RNLS: variants seen among roughly 807,000 people sequenced by gnomAD.
The protein encoded by RNLS is renalase.
A neutral mutation model predicts 39.8 loss-of-function variants in RNLS; 39 were observed. The observed-to-expected ratio is 0.98, with a 90% CI of 0.76 to 1.28. RNLS has a LOEUF of 1.28. RNLS is among the 50% of genes most tolerant of loss of function. The probability of loss-of-function intolerance (pLI) is 0.00; values close to 1 mark genes in which losing one functional copy is unlikely to be tolerated. For missense variants in RNLS, 410 were observed against 413.3 expected, an observed-to-expected ratio of 0.99 and a Z score of 0.07; for synonymous variants, 147 against 150.7, an observed-to-expected ratio of 0.98 and a Z score of 0.18.
chr10:88,412,575 G>GA (rs938296507), intron 4 of RNLS, among the ~76,000 whole-genome samples: 9 of 150,512 alleles, frequency 6.0e-5, no homozygotes, highest in South Asian at 2.1e-4. Flanking sequence ...AACAAAAGTT[G>GA]AAAAAAAAAT....
chr10:88,471,429 T>C (rs1478152425), intron 4 of RNLS, among the ~76,000 whole-genome samples: 2 of 152,120 alleles, frequency 1.3e-5, no homozygotes, highest in African/African-American at 4.8e-5. Context: ...CCTTTTCCAG[T>C]GGGCACTCTC....
At chr10:88,221,103 T>C in the RNLS span, among the ~76,000 whole-genome samples, 2 of 152,208 alleles carry the variant, frequency 1.3e-5, no homozygotes, top group African/African-American at 2.4e-5. Context: ...ATCCCCCTAC[T>C]TGGCATGCCC....
rs548250335 is a variant in RNLS at position 88,478,962 on chromosome 10, T to C, written c.526+93941A>G. 3.9e-5 allele frequency among the ~76,000 whole-genome samples: 6 copies of C among 152,084 alleles called. No individual in the cohort carries two copies. In the East Asian group the frequency reaches 1.2e-3, roughly 29 times the overall value. On this transcript the variant is annotated intron_variant, in intron 4 of 6. Transcript: ENST00000331772. ...AGCCATGCTGAGGAGCCCAAGTACCTGGGTTTGAATCCTAGTTCTGTCATT... is the reference window on the plus strand; with the variant it reads ...AGCCATGCTGAGGAGCCCAAGTACCCGGGTTTGAATCCTAGTTCTGTCATT...
At chr10:88,548,676 A>C (rs974708519) in intron 4 of RNLS, among the ~76,000 whole-genome samples, 15 of 147,840 alleles carry the variant, frequency 1.0e-4, no homozygotes, top group African/African-American at 3.2e-4. Context: ...TTTAATACAT[A>C]TATACATTTA....
chr10:88,307,000 T>C (rs550301066), intron 6 of RNLS, among the ~76,000 whole-genome samples: 1 of 152,306 alleles, frequency 6.6e-6, no homozygotes, highest in South Asian at 2.1e-4. Flanking sequence ...ATCCCTGGGA[T>C]ACAAGGTTAG....
At chr10:88,489,901 T>C (rs1844788939) in intron 4 of RNLS, among the ~76,000 whole-genome samples, 1 of 152,184 alleles carries the variant, frequency 6.6e-6, no homozygotes, top group South Asian at 2.1e-4. Context: ...CCCCTAACTC[T>C]TTTATGAATT....
rs540378266 is a variant in RNLS at position 88,368,794 on chromosome 10, ATTTCC to A, written c.527-6074_527-6070del. On this transcript the variant is annotated intron_variant, in intron 4 of 6. Coordinates refer to ENST00000331772, the MANE Select transcript of RNLS (RefSeq NM_001031709.3). ...CAGATTTTTATCTATGTTTCTAATT[ATTTCC>A]TTAAGATAGATATTGAAAGTGGAAT... Among the ~76,000 whole-genome samples, 114 of 152,152 alleles carry A rather than the reference ATTTCC, an allele frequency of 7.5e-4. 1 individual carries two copies. The highest frequency in any genetic ancestry group is 1.2e-3 in the Non-Finnish European group (82 of 67,984).
At chr10:88,254,273 C>T in the RNLS span, among the ~76,000 whole-genome samples, 1 of 152,334 alleles carries the variant, frequency 6.6e-6, no homozygotes, top group Non-Finnish European at 1.5e-5. Context: ...CCTGCCTCTA[C>T]CTATGACTAA....
At chr10:88,252,080 C>T in the RNLS span, among the ~76,000 whole-genome samples, 1 of 152,210 alleles carries the variant, frequency 6.6e-6, no homozygotes, top group African/African-American at 2.4e-5. Flanking sequence ...AGATAAAAAT[C>T]AGCAGGTACA....
At chr10:88,415,320 G>A (rs1853948588) in intron 4 of RNLS, among the ~76,000 whole-genome samples, 1 of 152,164 alleles carries the variant, frequency 6.6e-6, no homozygotes, top group Non-Finnish European at 1.5e-5. Context: ...AAGGTATATG[G>A]CATTTGAAAG....
intron 3 of RNLS, among the ~76,000 whole-genome samples, chr10:88,573,875 T>C (rs1008484406): frequency 1.3e-5 from 2 of 152,202 alleles, no homozygotes; most frequent in African/African-American, 4.8e-5. Context: ...GCACGGTGGC[T>C]CACACCTGTA....
chr10:88,576,223 C>T (rs912049064), intron 3 of RNLS, among the ~76,000 whole-genome samples: 24 of 152,132 alleles, frequency 1.6e-4, no homozygotes, highest in Admixed American at 1.2e-3. Flanking sequence ...AGTTTAATGT[C>T]TTTTCTTCCC....
At chr10:88,314,390 G>T in intron 6 of RNLS, 76 bp downstream of exon 6, 1 of 1,460,472 alleles carries the variant, frequency 6.8e-7, no homozygotes, top group Non-Finnish European at 9.5e-7. Context: ...AGAGTGCAAA[G>T]GATAAAGAAG....
Position 88,400,475 on chromosome 10 carries a change from G to C in RNLS, c.527-37750C>G, listed in dbSNP as rs531585476. On this transcript the variant is annotated intron_variant, in intron 4 of 6. Transcript: ENST00000331772. The stretch of plus-strand genomic sequence containing the variant: ...CTCTTTGTCACACTTCCAATCTTTC[G>C]GGACCTTATTAATCACCTCTCTGTG... Among the ~76,000 whole-genome samples the C allele has an allele frequency of 4.6e-5, 7 of 151,754 alleles. No individual in the cohort carries two copies. The South Asian group carries it at 1.5e-3, about 32-fold the overall frequency.
chr10:88,421,066 A>G (rs866407080), intron 4 of RNLS, among the ~76,000 whole-genome samples: 3 of 152,244 alleles, frequency 2.0e-5, no homozygotes, highest in African/African-American at 7.2e-5. Flanking sequence ...TAAGAAAAGT[A>G]TCAGTTCCTT....
chr10:88,294,616 A>G (rs1244566241), intron 6 of RNLS, among the ~76,000 whole-genome samples: 1 of 152,138 alleles, frequency 6.6e-6, no homozygotes, highest in African/African-American at 2.4e-5. Flanking sequence ...TCTACACACA[A>G]CTAACCAAAA....
In RNLS at chr10:88,285,224, G is replaced by A; in HGVS notation, c.*130C>T. ...ACAAAATTGATTTTATACTCCACAT[G>A]AAAAATGATAATAAGTGAAGAACAA... On this transcript the variant is annotated 3_prime_UTR_variant, in exon 7 of 7. Transcript: ENST00000331772. 4 of 1,384,046 alleles carry A rather than the reference G, an allele frequency of 2.9e-6. No individual in the cohort carries two copies. The highest frequency in any genetic ancestry group is 3.7e-6 in the Non-Finnish European group (4 of 1,067,854). The allele number at this position is 1,384,046 out of a possible 1,614,324, so 85.7% of individuals were successfully genotyped here.
intron 4 of RNLS, among the ~76,000 whole-genome samples, chr10:88,511,185 A>G (rs1481692758): frequency 1.3e-5 from 2 of 152,090 alleles, no homozygotes; most frequent in Non-Finnish European, 2.9e-5. Context: ...CAAGCCTTCT[A>G]CAGCTGCACT....
At chr10:88,569,241 T>C (rs1460729354) in intron 4 of RNLS, among the ~76,000 whole-genome samples, 1 of 152,080 alleles carries the variant, frequency 6.6e-6, no homozygotes, top group African/African-American at 2.4e-5. Context: ...TTCACAGACC[T>C]GAAAAGGAAC....
Sources: gnomAD v4.1 joint callset for allele counts (sites outside exome capture counted in the v4.1 genomes callset) on GRCh38, gnomAD v4.1.1 for gene constraint, MANE v1.5 for transcripts, NCBI Gene and HGNC (gene_info 2026-07-23, HGNC 2026-07-21) for gene names.